The following SPAG16 variants were observed in gnomAD, a reference collection of about 807,000 sequenced individuals.
SPAG16 encodes the protein sperm-associated antigen 16 protein.
SPAG16 carries 86 observed loss-of-function variants against 80.4 expected under a neutral mutation model. The observed-to-expected ratio is 1.07, with a 90% CI of 0.90 to 1.28. The LOEUF (loss-of-function observed/expected upper bound fraction) is 1.28. SPAG16 is among the 50% of genes most tolerant of loss of function. SPAG16 has a pLI of 0.00. For synonymous variants in SPAG16, 294 were observed against 265.9 expected (o/e 1.11, Z -1.03); for missense variants, 870 against 765.3 (o/e 1.14, Z -1.61).
chr2:213,544,968 G>C (rs1481729562), intron 10 of SPAG16, among the ~76,000 whole-genome samples: 1 of 152,126 alleles, frequency 6.6e-6, no homozygotes, highest in Non-Finnish European at 1.5e-5. Flanking sequence ...TGTGAAGAAA[G>C]CTGCTATAAA....
At chr2:213,384,670 T>G (rs2067333764) in intron 9 of SPAG16, among the ~76,000 whole-genome samples, 1 of 152,160 alleles carries the variant, frequency 6.6e-6, no homozygotes, top group Non-Finnish European at 1.5e-5. Flanking sequence ...GGGACTGAAC[T>G]TCTTTCGTCA....
chr2:214,255,830 T>C (rs1690643809), intron 15 of SPAG16, among the ~76,000 whole-genome samples: 1 of 151,972 alleles, frequency 6.6e-6, no homozygotes, highest in South Asian at 2.1e-4. Context: ...TATTCTATTA[T>C]ATGAATATAT....
intron 15 of SPAG16, among the ~76,000 whole-genome samples, chr2:214,341,658 C>CAATCT (rs1697707021): frequency 6.6e-6 from 1 of 152,196 alleles, no homozygotes; most frequent in South Asian, 2.1e-4. Flanking sequence ...AAAATACTTT[C>CAATCT]AATCTAGAAT....
intron 9 of SPAG16, among the ~76,000 whole-genome samples, chr2:213,450,909 G>T (rs2071645628): frequency 6.6e-6 from 1 of 152,092 alleles, no homozygotes; most frequent in African/African-American, 2.4e-5. Flanking sequence ...TTGTGAAAGA[G>T]TCTATTAAAG....
chr2:213,754,100 C>T (rs2068209732), intron 10 of SPAG16, among the ~76,000 whole-genome samples: 1 of 152,066 alleles, frequency 6.6e-6, no homozygotes, highest in South Asian at 2.1e-4. Context: ...GATAATTAGG[C>T]CTGTTCCAAC....
chr2:213,781,687 T>C (rs956019885), intron 10 of SPAG16, among the ~76,000 whole-genome samples: 3 of 152,196 alleles, frequency 2.0e-5, no homozygotes, highest in Non-Finnish European at 4.4e-5. Context: ...GGAAGGACTG[T>C]GCACTGGGTA....
intron 9 of SPAG16, among the ~76,000 whole-genome samples, chr2:213,473,624 CA>C (rs2073209274): frequency 6.6e-6 from 1 of 152,126 alleles, no homozygotes; most frequent in South Asian, 2.1e-4. Context: ...GCTAACCAAG[CA>C]AATAAACTAC....
At chr2:214,041,116 G>T (rs62191935) in intron 13 of SPAG16, among the ~76,000 whole-genome samples, 2 of 149,278 alleles carry the variant, frequency 1.3e-5, no homozygotes, top group South Asian at 2.1e-4. Flanking sequence ...ATTCTTTCTT[G>T]GGTATCTCGT....
intron 13 of SPAG16, among the ~76,000 whole-genome samples, chr2:214,071,948 T>A (rs754281110): frequency 6.6e-6 from 1 of 152,152 alleles, no homozygotes; most frequent in South Asian, 2.1e-4. Context: ...GTTTTAAAAA[T>A]TAGTGAAATT....
At chr2:214,028,206 G>A (rs2048232851) in intron 13 of SPAG16, among the ~76,000 whole-genome samples, 1 of 151,922 alleles carries the variant, frequency 6.6e-6, no homozygotes, top group African/African-American at 2.4e-5. Flanking sequence ...TCTGATTATA[G>A]GAAAATGGTG....
chr2:213,459,065 C>A (rs992211484), intron 9 of SPAG16, among the ~76,000 whole-genome samples: 5 of 152,094 alleles, frequency 3.3e-5, no homozygotes, highest in African/African-American at 1.2e-4. Flanking sequence ...TGAAGAATTT[C>A]TCCCCTTTTT....
chr2:213,862,500 C>T lies in SPAG16; in HGVS notation c.1086C>T (p.Pro362=). Residue 362 remains proline (P), a synonymous_variant, in exon 11 of 16, where the codon CCC becomes CCT. Transcript: ENST00000331683. ...ELPVSCVSMQ[P]HKDILVSCGE... ...CCTCGCGCAGTGTCTCCATGCAACCCCACAAAGACATCCTAGTCTCCTGTG... is the reference window on the plus strand; with the variant it reads ...CCTCGCGCAGTGTCTCCATGCAACCTCACAAAGACATCCTAGTCTCCTGTG... 6.2e-7 allele frequency: 1 copy of T among 1,614,070 alleles called. No homozygotes were observed. The highest frequency in any genetic ancestry group is 8.5e-7 in the Non-Finnish European group (1 of 1,179,940).
chr2:214,181,795 G>A (rs2161081), intron 15 of SPAG16, among the ~76,000 whole-genome samples: 151,842 of 151,858 alleles, frequency 1, 75,913 homozygotes, highest in Non-Finnish European at 1. Context: ...TTACATTAAA[G>A]TGTAAACAAT....
intron 15 of SPAG16, among the ~76,000 whole-genome samples, chr2:214,162,949 C>T (rs2056503911): frequency 6.6e-6 from 1 of 152,044 alleles, no homozygotes; most frequent in African/African-American, 2.4e-5. Flanking sequence ...CATTTCTGTG[C>T]AGCAATTGGT....
chr2:213,868,259 T>A (rs541369077), intron 11 of SPAG16, among the ~76,000 whole-genome samples: 5 of 151,916 alleles, frequency 3.3e-5, no homozygotes, highest in African/African-American at 1.2e-4. Context: ...ATTTTTTTTT[T>A]ATTTTAGATT....
At chr2:213,426,921 C>T (rs1429418392) in intron 9 of SPAG16, among the ~76,000 whole-genome samples, 3 of 150,888 alleles carry the variant, frequency 2.0e-5, no homozygotes, top group Non-Finnish European at 4.4e-5. Context: ...TGATATTTTG[C>T]TCCATGAATA....
chr2:213,517,492 G>A (rs981913350), intron 10 of SPAG16, among the ~76,000 whole-genome samples: 1 of 152,136 alleles, frequency 6.6e-6, no homozygotes, highest in African/African-American at 2.4e-5. Context: ...AGAAGAGCCT[G>A]AATATTCAAA....
At chr2:213,998,953 A>G (rs750649114) in intron 12 of SPAG16, among the ~76,000 whole-genome samples, 1 of 152,186 alleles carries the variant, frequency 6.6e-6, no homozygotes, top group Non-Finnish European at 1.5e-5. Context: ...AACTCAAGCG[A>G]TGACTTGGGT....
intron 10 of SPAG16, among the ~76,000 whole-genome samples, chr2:213,719,587 C>G (rs1230044359): frequency 6.6e-6 from 1 of 152,172 alleles, no homozygotes; most frequent in Non-Finnish European, 1.5e-5. Context: ...AGCAGGCTGC[C>G]CGAGCCAGCA....
Sources: allele counts gnomAD v4.1 joint callset (sites outside exome capture counted in the v4.1 genomes callset), GRCh38; gene constraint gnomAD v4.1.1; transcripts MANE v1.5; gene names NCBI Gene and HGNC (gene_info 2026-07-23, HGNC 2026-07-21).